The following GSE1 variants were observed in gnomAD, a reference collection of about 807,000 sequenced individuals.
GSE1 encodes the protein genetic suppressor element 1.
GSE1 carries 32 observed loss-of-function variants against 112.6 expected under a neutral mutation model. The ratio of observed to expected loss-of-function variants is 0.28; its 90% confidence interval spans 0.21 to 0.38. The LOEUF is 0.38. Among genes scored for constraint, GSE1 ranks in the 10% least tolerant of loss-of-function variants. GSE1 has a pLI of 1.00. For missense variants in GSE1, 2,348 were observed against 1,699.2 expected (o/e 1.38, Z -6.71); for synonymous variants, 1,115 against 735.6 (o/e 1.52, Z -8.35).
intron 2 of GSE1, among the ~76,000 whole-genome samples, chr16:85,524,037 C>A (rs1446342213): frequency 2.0e-5 from 3 of 152,170 alleles, no homozygotes; most frequent in Admixed American, 2.0e-4. Context: ...GCCCTGTCTC[C>A]CGGGTGGTGG....
intron 1 of GSE1, among the ~76,000 whole-genome samples, chr16:85,556,656 G>A (rs1451621026): frequency 6.6e-6 from 1 of 150,600 alleles, no homozygotes; most frequent in Admixed American, 6.6e-5. Flanking sequence ...CCGCGGCGGC[G>A]GAGCGAGCGG....
chr16:85,572,522 C>T (rs1465952929), intron 1 of GSE1, among the ~76,000 whole-genome samples: 1 of 151,832 alleles, frequency 6.6e-6, no homozygotes, highest in African/African-American at 2.4e-5. Context: ...CACACACACA[C>T]CGCACACACA....
chr16:85,330,622 A>G (rs971325736), intron 1 of GSE1, among the ~76,000 whole-genome samples: 1 of 152,190 alleles, frequency 6.6e-6, no homozygotes, highest in Admixed American at 6.5e-5. Flanking sequence ...CGATCCAGGA[A>G]GCGTGCAGGT....
rs151230415 is a variant in GSE1 at position 85,209,028 on chromosome 16, G to A, written c.2283+37221G>A. ...TGGGGTTCGCTGCGTGTTGGGGTTC[G>A]CCTGTGTTGGGGTTTGCCACTTGTT... is the stretch of plus-strand genomic sequence containing the variant. On this transcript the variant is annotated intron_variant, in intron 1 of 2. Coordinates refer to the GSE1 transcript ENST00000637419. Among the ~76,000 whole-genome samples the A allele has an allele frequency of 4.4e-3, 659 of 151,406 alleles. 2 individuals are homozygous for A. The highest frequency in any genetic ancestry group is 0.013 in the African/African-American group (531 of 41,218).
Position 85,418,514 on chromosome 16 carries a change from G to A in GSE1, c.2464+60871G>A, listed in dbSNP as rs150778021. 5.4e-3 allele frequency among the ~76,000 whole-genome samples: 821 copies of A among 152,342 alleles called. 4 individuals carry two copies. The highest frequency in any genetic ancestry group is 0.028 in the South Asian group (136 of 4,826). Reference sequence around the variant, plus strand: ...CTCCAGGAAGCCCTCTCTGACTGCTGTAGCCCAGCCTGCTCAGGAACAGGC... The same window carrying A: ...CTCCAGGAAGCCCTCTCTGACTGCTATAGCCCAGCCTGCTCAGGAACAGGC... On this transcript the variant is annotated intron_variant, in intron 2 of 2. Coordinates refer to the GSE1 transcript ENST00000637419.
chr16:85,450,319 T>C (rs938792609), intron 2 of GSE1, among the ~76,000 whole-genome samples: 1 of 151,854 alleles, frequency 6.6e-6, no homozygotes, highest in South Asian at 2.1e-4. Context: ...GGTTTCTCCA[T>C]GTTGGTCAGG....
At chr16:85,259,541 C>G (rs1213629714) in intron 1 of GSE1, among the ~76,000 whole-genome samples, 7 of 152,258 alleles carry the variant, frequency 4.6e-5, no homozygotes, top group African/African-American at 1.7e-4. Flanking sequence ...AGCCAGGGCA[C>G]AGAGAGGGTG....
At chr16:85,343,109 C>G (rs1402966917) in intron 1 of GSE1, among the ~76,000 whole-genome samples, 1 of 151,960 alleles carries the variant, frequency 6.6e-6, no homozygotes, top group Non-Finnish European at 1.5e-5. Context: ...CTGTTAAACC[C>G]AAAATCAGCA....
At chr16:85,337,344 C>T (rs1356117756) in intron 1 of GSE1, among the ~76,000 whole-genome samples, 5 of 143,214 alleles carry the variant, frequency 3.5e-5, no homozygotes, top group South Asian at 2.2e-4. Context: ...CTCGCTCTGT[C>T]GCCCAGGCTG....
At chr16:85,465,281 A>T (rs558086603) in intron 2 of GSE1, among the ~76,000 whole-genome samples, 1 of 152,046 alleles carries the variant, frequency 6.6e-6, no homozygotes, top group South Asian at 2.1e-4. Flanking sequence ...ACCGAATCTC[A>T]TGCTGCTTCT....
intron 1 of GSE1, among the ~76,000 whole-genome samples, chr16:85,301,260 G>C (rs1040180035): frequency 2.0e-5 from 3 of 152,216 alleles, no homozygotes; most frequent in Admixed American, 2.0e-4. Context: ...CAGGAAAGTG[G>C]TGCCCTTGGT....
chr16:85,337,089 G>T (rs1279563018), intron 1 of GSE1, among the ~76,000 whole-genome samples: 1 of 152,138 alleles, frequency 6.6e-6, no homozygotes, highest in East Asian at 1.9e-4. Context: ...AGCATCGAGG[G>T]GCTGGCGACA....
Position 85,360,276 on chromosome 16 carries a change from G to A in GSE1, c.2464+2633G>A, listed in dbSNP as rs530711814. Among the ~76,000 whole-genome samples the A allele has an allele frequency of 5.9e-5, 9 of 152,122 alleles. No homozygotes were observed. The South Asian group carries it at 1.0e-3, about 18-fold the overall frequency. On this transcript the variant is annotated intron_variant, in intron 2 of 2. Transcript: ENST00000637419. Reference sequence around the variant, plus strand: ...GGCGGGGGCCTGAGAGTCTGGGGGTGCCAAGAAGGGTGCAGAGGTTGTGGG... The same window carrying A: ...GGCGGGGGCCTGAGAGTCTGGGGGTACCAAGAAGGGTGCAGAGGTTGTGGG...
chr16:85,367,274 G>A (rs527373528), intron 2 of GSE1, among the ~76,000 whole-genome samples: 15 of 152,336 alleles, frequency 9.8e-5, no homozygotes, highest in Middle Eastern at 3.4e-3. Context: ...CCACGGCTCC[G>A]ATCTGACCGA....
intron 3 of GSE1, among the ~76,000 whole-genome samples, chr16:85,652,060 A>T (rs530632724): frequency 6.6e-6 from 1 of 152,304 alleles, no homozygotes; most frequent in Admixed American, 6.5e-5. Context: ...TGGGGTAGGC[A>T]GGCCAGCCTG....
chr16:85,177,785 C>T (rs535355613), intron 1 of GSE1, among the ~76,000 whole-genome samples: 2 of 152,146 alleles, frequency 1.3e-5, no homozygotes, highest in Non-Finnish European at 2.9e-5. Flanking sequence ...CCATGGGGTT[C>T]TGTCCCTTGG....
At chr16:85,647,112 C>G in intron 2 of GSE1, among the ~76,000 whole-genome samples, 1 of 152,208 alleles carries the variant, frequency 6.6e-6, no homozygotes, top group East Asian at 1.9e-4. Context: ...TGGGAACACT[C>G]CTCCCCGTCC....
intron 1 of GSE1, among the ~76,000 whole-genome samples, chr16:85,262,854 C>CCT (rs1209467455): frequency 6.6e-6 from 1 of 152,214 alleles, no homozygotes. Context: ...ACTCGGCGAG[C>CCT]CTCTGGGTTC....
At chr16:85,633,812 G>A in intron 1 of GSE1, 102 bp from the exon 2 acceptor site, 6 of 855,462 alleles carry the variant, frequency 7.0e-6, no homozygotes, top group Non-Finnish European at 9.5e-6. Flanking sequence ...GGCTGCCCCT[G>A]CTCCCTGCCT....
Sources: allele counts gnomAD v4.1 joint callset (sites outside exome capture counted in the v4.1 genomes callset), GRCh38; gene constraint gnomAD v4.1.1; transcripts MANE v1.5; gene names NCBI Gene and HGNC (gene_info 2026-07-23, HGNC 2026-07-21).